IQSEC1: variants seen among roughly 807,000 people sequenced by gnomAD.
IQSEC1 encodes IQ motif and SEC7 domain-containing protein 1.
In IQSEC1, 31 loss-of-function variants were observed where a neutral mutation model predicts 91.0. The observed-to-expected ratio is 0.34, with a 90% CI of 0.26 to 0.46. The LOEUF (loss-of-function observed/expected upper bound fraction) is 0.46, where lower values mean the gene tolerates loss of function less well. Ranked by LOEUF, IQSEC1 falls within the 20% of genes least tolerant of loss-of-function variation. The probability of loss-of-function intolerance (pLI) is 1.00; values close to 1 mark genes in which losing one functional copy is unlikely to be tolerated. For missense variants in IQSEC1, 1,388 were observed against 1,575.6 expected (o/e 0.88, Z 2.02); for synonymous variants, 699 against 662.6 (o/e 1.05, Z -0.84).
At chr3:12,947,601 T>A (rs1250550979) in intron 1 of IQSEC1, among the ~76,000 whole-genome samples, 1 of 152,180 alleles carries the variant, frequency 6.6e-6, no homozygotes, top group African/African-American at 2.4e-5. Context: ...GGAATGGCCA[T>A]GAGCAGGAGG....
At chr3:13,121,050 C>T (rs1374320933) in intron 2 of IQSEC1, among the ~76,000 whole-genome samples, 2 of 152,244 alleles carry the variant, frequency 1.3e-5, no homozygotes, top group Non-Finnish European at 2.9e-5. Flanking sequence ...TCTTCAGCAG[C>T]TCCCTATCCT....
chr3:13,161,267 C>A (rs1707170183), intron 2 of IQSEC1, among the ~76,000 whole-genome samples: 1 of 152,028 alleles, frequency 6.6e-6, no homozygotes, highest in African/African-American at 2.4e-5. Context: ...AGGGCCACTG[C>A]CACAGTGTGT....
In IQSEC1 at chr3:13,148,388, C is replaced by T. The variant is rs573046690; in HGVS notation, c.302+15716G>A. Among the ~76,000 whole-genome samples the T allele has an allele frequency of 2.4e-4, 36 of 152,294 alleles. No homozygotes were observed. In the South Asian group the frequency reaches 6.8e-3, roughly 29 times the overall value. ...GCCCGCCTCTGAGCCACCATGCATG[C>T]TGTTCCCCATGCATACCTACACTCT... On this transcript the variant is annotated intron_variant, in intron 2 of 15. Transcript: ENST00000648114.
chr3:13,261,447 G>A (rs1695384849), intron 1 of IQSEC1, among the ~76,000 whole-genome samples: 1 of 152,122 alleles, frequency 6.6e-6, no homozygotes, highest in African/African-American at 2.4e-5. Flanking sequence ...CCCCTCGAAT[G>A]AGTGCTGTGC....
chr3:13,190,751 C>T (rs1183830419), intron 1 of IQSEC1, among the ~76,000 whole-genome samples: 2 of 152,150 alleles, frequency 1.3e-5, no homozygotes, highest in Admixed American at 6.5e-5. Flanking sequence ...TCTAAATTGT[C>T]TACATACATA....
intron 1 of IQSEC1, among the ~76,000 whole-genome samples, chr3:13,196,919 C>CG (rs1694140339): frequency 6.6e-6 from 1 of 151,954 alleles, no homozygotes; most frequent in African/African-American, 2.4e-5. Context: ...CTGTGGGATC[C>CG]GGGTGGGGGT....
intron 2 of IQSEC1, among the ~76,000 whole-genome samples, chr3:13,112,347 C>T (rs1207671593): frequency 1.3e-5 from 2 of 152,230 alleles, no homozygotes; most frequent in African/African-American, 2.4e-5. Flanking sequence ...TTGGGCAATT[C>T]CCCGACCTCT....
At chr3:13,192,078 G>A (rs1694044039) in intron 1 of IQSEC1, among the ~76,000 whole-genome samples, 1 of 152,174 alleles carries the variant, frequency 6.6e-6, no homozygotes, top group Non-Finnish European at 1.5e-5. Flanking sequence ...GCTCACGCCT[G>A]TAATCCCAGC....
intron 13 of IQSEC1, among the ~76,000 whole-genome samples, chr3:12,901,793 C>T (rs1694340383): frequency 6.6e-6 from 1 of 152,158 alleles, no homozygotes; most frequent in African/African-American, 2.4e-5. Flanking sequence ...AGAAGTAGGA[C>T]TTCTGGTCTC....
intron 2 of IQSEC1, among the ~76,000 whole-genome samples, chr3:13,148,677 T>C (rs1047989920): frequency 1.3e-5 from 2 of 152,180 alleles, no homozygotes; most frequent in Non-Finnish European, 2.9e-5. Context: ...GTCACCACAG[T>C]CCCCGGGGCT....
intron 1 of IQSEC1, among the ~76,000 whole-genome samples, chr3:13,228,870 A>G (rs1694799933): frequency 6.6e-6 from 1 of 152,188 alleles, no homozygotes; most frequent in Non-Finnish European, 1.5e-5. Flanking sequence ...CTACTTCCTC[A>G]GCAAGGCCTT....
upstream of IQSEC1, among the ~76,000 whole-genome samples, chr3:13,075,679 C>G (rs138695397): frequency 6.6e-6 from 1 of 152,354 alleles, no homozygotes; most frequent in Non-Finnish European, 1.5e-5. Context: ...CATTCAGATA[C>G]AAATGCCAAG....
chr3:12,936,703 G>T lies in IQSEC1; in HGVS notation c.319-6C>A, dbSNP rs146358128. 6.7e-5 allele frequency: 104 copies of T among 1,561,020 alleles called. No individual in the cohort carries two copies. In the East Asian group the frequency reaches 2.3e-3, roughly 35 times the overall value. The stretch of plus-strand genomic sequence containing the variant: ...TTTCGTTCTAGCATCTCCACCTGCG[G>T]GTGGGAGAGGAGAATGAGAACAGCA... On this transcript the variant is annotated splice_polypyrimidine_tract_variant and splice_region_variant and intron_variant, in intron 2 of 13. Transcript: ENST00000613206.
chr3:12,966,963 C>G (rs560314162), intron 1 of IQSEC1, among the ~76,000 whole-genome samples: 1 of 152,156 alleles, frequency 6.6e-6, no homozygotes, highest in Non-Finnish European at 1.5e-5. Flanking sequence ...GGCACAGACC[C>G]GCTGGGCACC....
At chr3:13,141,618 T>C (rs1706800689) in intron 2 of IQSEC1, among the ~76,000 whole-genome samples, 1 of 152,130 alleles carries the variant, frequency 6.6e-6, no homozygotes, top group Admixed American at 6.5e-5. Context: ...TGTCCCCAAA[T>C]GCTCAAGTGA....
chr3:13,067,073 C>T (rs562435681), intron 1 of IQSEC1, among the ~76,000 whole-genome samples: 1 of 152,326 alleles, frequency 6.6e-6, no homozygotes, highest in East Asian at 1.9e-4. Context: ...TGCCCAGGGT[C>T]ACATAGTGAG....
chr3:13,037,482 T>C (rs1466220634), intron 1 of IQSEC1, among the ~76,000 whole-genome samples: 3 of 152,180 alleles, frequency 2.0e-5, no homozygotes, highest in African/African-American at 7.2e-5. Flanking sequence ...ATGAGATCTA[T>C]ACATTGCAAT....
In IQSEC1 at chr3:12,941,793, G is replaced by A; in HGVS notation, c.96C>T (p.Pro32=). Residue 32 remains proline (P), a synonymous_variant, in exon 2 of 14, where the codon CCC becomes CCT. Transcript: ENST00000613206. ...GGCTCAGGCTGGAACCGGGCACCAA[G>A]GGGCCCTGGGGGTAGGCTGAGGGGC... The part of the protein sequence containing the change: ...LDSPSAYPQG[P]LVPGSSLSPD... The A allele has an allele frequency of 2.5e-6, 4 of 1,611,258 alleles. No homozygotes were observed. The highest frequency in any genetic ancestry group is 1.3e-5 in the African/African-American group (1 of 75,020).
At chr3:13,129,507 C>A (rs1706571185) in intron 2 of IQSEC1, among the ~76,000 whole-genome samples, 1 of 151,992 alleles carries the variant, frequency 6.6e-6, no homozygotes, top group African/African-American at 2.4e-5. Context: ...TTTTCTTCGT[C>A]CTTTGGGTTT....
Sources: allele counts gnomAD v4.1 joint callset (sites outside exome capture counted in the v4.1 genomes callset), GRCh38; gene constraint gnomAD v4.1.1; transcripts MANE v1.5; gene names NCBI Gene and HGNC (gene_info 2026-07-23, HGNC 2026-07-21).